Variants in NFATC4 observed in about 807,000 individuals in gnomAD.
NFATC4 encodes nuclear factor of activated T-cells, cytoplasmic 4.
Under a neutral mutation model 73.4 loss-of-function variants are expected in NFATC4, and 25 were observed. That is an observed-to-expected ratio of 0.34 (90% CI 0.25 to 0.48). NFATC4 has a LOEUF of 0.48. NFATC4 is among the 20% of genes least tolerant of loss of function. NFATC4 has a pLI of 0.99. For synonymous variants in NFATC4, 523 were observed against 510.3 expected (o/e 1.02, Z -0.34); for missense variants, 1,130 against 1,203.7 (o/e 0.94, Z 0.91).
chr14:24,377,978 C>T lies in NFATC4; in HGVS notation c.*273C>T, dbSNP rs74036619. The T allele has an allele frequency of 7.2e-4, 436 of 605,224 alleles. No individual in the cohort carries two copies. The African/African-American group carries it at 7.6e-3, about 11-fold the overall frequency. The allele number at this position is 605,224 out of a possible 1,614,324, so 37.5% of individuals were successfully genotyped here. On this transcript the variant is annotated 3_prime_UTR_variant, in exon 10 of 10. Coordinates refer to ENST00000250373, the MANE Select transcript of NFATC4 (RefSeq NM_004554.5). This position sits in a 1 kb window ranked among gnomAD's most constrained non-coding sequence, Gnocchi z 4.2. ...GTGCCAGAATGGACTGGAGTGAAGG[C>T]GTGTCTAGAGTGTGGGCTGGCTGTT...
At chr14:24,371,563 T>C (rs1057306487) in intron 2 of NFATC4, among the ~76,000 whole-genome samples, 1 of 152,184 alleles carries the variant, frequency 6.6e-6, no homozygotes, top group Non-Finnish European at 1.5e-5. Context: ...AGTTGTCCCA[T>C]CTGAAACCCT....
Position 24,370,219 on chromosome 14 carries a change from C to G in NFATC4, c.821C>G (p.Ser274Trp). Residue 274 changes from serine to tryptophan, a missense_variant, in exon 2 of 10, where the codon TCG (serine) becomes TGG (tryptophan). Transcript: ENST00000250373. ...SPCGKRRYSS[S>W]GTPSSASPAL... ...TGTGGCAAGCGGCGCTATTCCAGCT[C>G]GGGAACCCCATCTTCAGCCTCCCCA... The G allele has an allele frequency of 6.2e-7, 1 of 1,610,764 alleles. No individual in the cohort carries two copies. The highest frequency in any genetic ancestry group is 8.5e-7 in the Non-Finnish European group (1 of 1,179,930).
In NFATC4 at chr14:24,373,883, C is replaced by T; in HGVS notation, c.1732+16C>T. 1 of 1,613,842 alleles carries T rather than the reference C, an allele frequency of 6.2e-7. No homozygotes were observed. The highest frequency in any genetic ancestry group is 8.5e-7 in the Non-Finnish European group (1 of 1,179,956). The stretch of plus-strand genomic sequence containing the variant: ...ATCGAGTGCTGTGAGCAAAGAGGCC[C>T]TGGGCCATGTCTCTGTCTCTTGCAA... On this transcript the variant is annotated intron_variant, in intron 5 of 9. Transcript: ENST00000250373. The surrounding 1 kb of genome is among the most constrained non-coding windows in gnomAD (Gnocchi z 4.7).
chr14:24,376,055 T>C lies in NFATC4; in HGVS notation c.2010T>C (p.Asn670=). ...RPVQVYFYVS[N]GRRKRSPTQS... Reference sequence around the variant, plus strand: ...TCCAGGTCTACTTTTATGTCTCCAATGGGCGGAGGAAACGCAGTCCTACCC... The same window carrying C: ...TCCAGGTCTACTTTTATGTCTCCAACGGGCGGAGGAAACGCAGTCCTACCC... The change falls in exon 8 of 10, where the codon AAT becomes AAC. Residue 670 remains asparagine, a synonymous_variant. Transcript: ENST00000250373. This position sits in a 1 kb window ranked among gnomAD's most constrained non-coding sequence, Gnocchi z 5.0. 1 of 1,614,034 alleles carries C rather than the reference T, an allele frequency of 6.2e-7. No individual in the cohort carries two copies. Among genetic ancestry groups the C allele is most frequent in the South Asian group, 1.1e-5 (1 of 91,070 alleles).
chr14:24,372,359 C>G, intron 2 of NFATC4, 82 bp from the exon 3 acceptor site: 1 of 1,434,950 alleles, frequency 7.0e-7, no homozygotes, highest in Non-Finnish European at 9.5e-7. Flanking sequence ...CAGACCCATA[C>G]CCCCTCCTCC....
Position 24,373,221 on chromosome 14 carries a change from T to A in NFATC4, c.1410T>A (p.Thr470=). 6.2e-7 allele frequency: 1 copy of A among 1,614,220 alleles called. No homozygotes were observed. The highest frequency in any genetic ancestry group is 8.5e-7 in the Non-Finnish European group (1 of 1,180,048). The change falls in exon 4 of 10, where the codon ACT becomes ACA. Residue 470 remains threonine, a synonymous_variant. Transcript: ENST00000250373. This position sits in a 1 kb window ranked among gnomAD's most constrained non-coding sequence, Gnocchi z 4.7. The stretch of plus-strand genomic sequence containing the variant: ...TGACCCTACAGATGTTCATCGGCAC[T>A]GCAGATGAAAGGAACCTGCGGCCTC... ...KPLTLQMFIG[T]ADERNLRPHA...
Position 24,376,817 on chromosome 14 carries a change from G to T in NFATC4, c.2580G>T (p.Arg860Ser). ...GGGCTCCGGAGCAGGAGAAATCCAGGGGTGGCTACAGCAGCGGCTTCCGAG... is the reference window on the plus strand; with the variant it reads ...GGGCTCCGGAGCAGGAGAAATCCAGTGGTGGCTACAGCAGCGGCTTCCGAG... Reference protein sequence around the residue: ...GEGAPEQEKSRGGYSSGFRDS... With the variant: ...GEGAPEQEKSSGGYSSGFRDS... Residue 860 changes from arginine (R) to serine (S), a missense_variant, in exon 9 of 10, where the codon AGG (arginine) becomes AGT (serine). By Grantham distance (110) the Arg-to-Ser change is moderately radical (BLOSUM62 -1). This residue lies in a region of NFATC4 where 390 missense variants were observed against 408.1 expected (regional missense o/e 0.96). Coordinates refer to ENST00000250373, the MANE Select transcript of NFATC4 (RefSeq NM_004554.5). The surrounding 1 kb of genome is among the most constrained non-coding windows in gnomAD (Gnocchi z 5.0). 1 of 1,605,234 alleles carries T rather than the reference G, an allele frequency of 6.2e-7. No homozygotes were observed. The highest frequency in any genetic ancestry group is 1.1e-5 in the South Asian group (1 of 89,954).
Position 24,369,885 on chromosome 14 carries a change from G to A in NFATC4, c.487G>A (p.Gly163Arg), listed in dbSNP as rs374228196. ...CTACAGAGAAGCAGGGGGCCAGGGT[G>A]GGGGGGCCTTCTTCAGCCCAAGCCC... ...GGYREAGGQG[G>R]GAFFSPSPGS... The change falls in exon 2 of 10, where the codon GGG (glycine) becomes AGG (arginine). Residue 163 changes from glycine to arginine, a missense_variant. Around this residue, in one of 3 missense-constraint regions of NFATC4, gnomAD observed 585 missense variants for 574.3 expected, o/e 1.02. Transcript: ENST00000250373. 3.1e-6 allele frequency: 5 copies of A among 1,609,590 alleles called. No individual in the cohort carries two copies. Among genetic ancestry groups the A allele is most frequent in the African/African-American group, 1.3e-5 (1 of 74,876 alleles).
chr14:24,366,950 T>C, upstream of NFATC4: 1 of 1,554,268 alleles, frequency 6.4e-7, no homozygotes, highest in South Asian at 1.2e-5. Flanking sequence ...ACCGTTTAGT[T>C]GCTGGGATGG....
rs1289151415 is a variant in NFATC4, at chr14:24,377,819, TC to T, written c.*118del. 1.0e-5 allele frequency: 16 copies of T among 1,564,312 alleles called. No homozygotes were observed. The highest frequency in any genetic ancestry group is 1.9e-4 in the Middle Eastern group (1 of 5,152). On this transcript the variant is annotated 3_prime_UTR_variant, in exon 10 of 10. Transcript: ENST00000250373. This position sits in a 1 kb window ranked among gnomAD's most constrained non-coding sequence, Gnocchi z 4.2. ...CTTGGGGCCAACCCTGGCTCCTCTT[TC>T]CCCAGCTTCTGTCTGTCTCACTGTC... is the stretch of plus-strand genomic sequence containing the variant.
chr14:24,369,947 C>T lies in NFATC4; in HGVS notation c.549C>T (p.Ser183=), dbSNP rs779631463. 102 of 1,612,834 alleles carry T rather than the reference C, an allele frequency of 6.3e-5. No homozygotes were observed. The highest frequency in any genetic ancestry group is 7.7e-5 in the Non-Finnish European group (91 of 1,179,968). The change falls in exon 2 of 10, where the codon TCC becomes TCT. Residue 183 remains serine, a synonymous_variant. Transcript: ENST00000250373. ...GCCTGTCCTCGTGGAGCTTCTTCTC[C>T]GATGCCTCTGACGAGGCAGCCCTGT... ...SSSLSSWSFF[S]DASDEAALYA...
chr14:24,375,638 G>A, intron 6 of NFATC4, 22 bp from the exon 7 acceptor site: 1 of 1,552,162 alleles, frequency 6.4e-7, no homozygotes, highest in African/African-American at 1.4e-5. Context: ...TTGGGCTGCA[G>A]CTCTCTGTTC....
At position 24,376,059 on chromosome 14, in the gene NFATC4, C is replaced by T. The variant is rs748592990; in HGVS notation, c.2014C>T (p.Arg672Trp). 1.6e-5 allele frequency: 26 copies of T among 1,613,980 alleles called. No homozygotes were observed. Among genetic ancestry groups the T allele is most frequent in the South Asian group, 1.3e-4 (12 of 91,076 alleles). ...VQVYFYVSNG[R>W]RKRSPTQSFR... Reference sequence around the variant, plus strand: ...GGTCTACTTTTATGTCTCCAATGGGCGGAGGAAACGCAGTCCTACCCAGAG... The same window carrying T: ...GGTCTACTTTTATGTCTCCAATGGGTGGAGGAAACGCAGTCCTACCCAGAG... Residue 672 changes from arginine (R) to tryptophan (W), a missense_variant, in exon 8 of 10, where the codon CGG (arginine) becomes TGG (tryptophan). Coordinates refer to ENST00000250373, the MANE Select transcript of NFATC4 (RefSeq NM_004554.5). This position sits in a 1 kb window ranked among gnomAD's most constrained non-coding sequence, Gnocchi z 5.0.
Position 24,378,255 on chromosome 14 carries a change from C to G in NFATC4, c.*550C>G, listed in dbSNP as rs2139319297. The G allele has an allele frequency of 1.9e-5, 3 of 161,732 alleles. No individual in the cohort carries two copies. The South Asian group carries it at 4.8e-4, about 26-fold the overall frequency. The allele number at this position is 161,732 out of a possible 1,614,324, so 10.0% of individuals were successfully genotyped here. A position where few individuals can be genotyped will look rare whatever the true frequency, so the allele number is the denominator to read the frequency against. On this transcript the variant is annotated 3_prime_UTR_variant, in exon 10 of 10. Transcript: ENST00000250373. Reference sequence around the variant, plus strand: ...CTGGGACCAGGATTGGGGGCCAGGGCTTGAGTAGGCCTCTCCACTCTCCTC... The same window carrying G: ...CTGGGACCAGGATTGGGGGCCAGGGGTTGAGTAGGCCTCTCCACTCTCCTC...
At chr14:24,374,033 C>T in intron 5 of NFATC4, 166 bp downstream of exon 5, 1 of 1,089,032 alleles carries the variant, frequency 9.2e-7, no homozygotes, top group Non-Finnish European at 1.4e-6. Context: ...CTGCCACAGA[C>T]TCTGTCTCTG....
intron 6 of NFATC4, chr14:24,374,687 G>A: frequency 2.0e-6 from 1 of 496,852 alleles, no homozygotes; most frequent in Non-Finnish European, 3.6e-6. Context: ...TGGAAGCAAT[G>A]CACATTCTGT....
rs1459142356 is a variant in NFATC4 at position 24,376,061 on chromosome 14, G to C, written c.2016G>C (p.Arg672=). The stretch of plus-strand genomic sequence containing the variant: ...TCTACTTTTATGTCTCCAATGGGCG[G>C]AGGAAACGCAGTCCTACCCAGAGTT... ...VQVYFYVSNG[R]RKRSPTQSFR... is the part of the protein sequence containing the mutation. Residue 672 remains arginine (R), a synonymous_variant, in exon 8 of 10, where the codon CGG becomes CGC. Transcript: ENST00000250373. This position sits in a 1 kb window ranked among gnomAD's most constrained non-coding sequence, Gnocchi z 5.0. The C allele has an allele frequency of 6.2e-7, 1 of 1,613,960 alleles. No individual in the cohort carries two copies. Among genetic ancestry groups the C allele is most frequent in the African/African-American group, 1.3e-5 (1 of 74,892 alleles).
chr14:24,371,895 T>C (rs2042482386), intron 2 of NFATC4: 1 of 152,774 alleles, frequency 6.5e-6, no homozygotes, highest in Non-Finnish European at 1.5e-5. Flanking sequence ...TTGCCCAGGC[T>C]GGTCTCAAAC....
Position 24,369,237 on chromosome 14 carries a change from C to T in NFATC4, c.101-262C>T, listed in dbSNP as rs1566460810. The T allele has an allele frequency of 1.2e-5, 19 of 1,536,520 alleles. 1 individual carries two copies. The South Asian group carries it at 2.1e-4, about 17-fold the overall frequency. Reference sequence around the variant, plus strand: ...CCCAGCTCCAGCCCCTCTGGACCCACCTCTCTCACCTTAAGACCCACTGGA... The same window carrying T: ...CCCAGCTCCAGCCCCTCTGGACCCATCTCTCTCACCTTAAGACCCACTGGA... On this transcript the variant is annotated intron_variant, in intron 1 of 9. Coordinates refer to ENST00000250373, the MANE Select transcript of NFATC4 (RefSeq NM_004554.5).
Sources: allele counts gnomAD v4.1 joint callset (sites outside exome capture counted in the v4.1 genomes callset), GRCh38; gene constraint gnomAD v4.1.1; regional missense constraint gnomAD v4.1.1; non-coding constraint Gnocchi (gnomAD v3.1); transcripts MANE v1.5; gene names NCBI Gene and HGNC (gene_info 2026-07-23, HGNC 2026-07-21).